The following PNPLA7 variants were observed in gnomAD, a reference collection of about 807,000 sequenced individuals.
The protein encoded by PNPLA7 is patatin like domain 7, lysophospholipase.
In PNPLA7, 153 loss-of-function variants were observed where a neutral mutation model predicts 161.7. The observed-to-expected ratio is 0.95, with a 90% CI of 0.83 to 1.08. The LOEUF (loss-of-function observed/expected upper bound fraction) is 1.08, where lower values mean the gene tolerates loss of function less well. Among genes scored for constraint, PNPLA7 ranks in the 50% least tolerant of loss-of-function variants. The pLI, the probability that PNPLA7 is intolerant of heterozygous loss-of-function variation, is 0.00. For missense variants in PNPLA7, 1,739 were observed against 1,856.6 expected (o/e 0.94, Z 1.16); for synonymous variants, 809 against 782.1 (o/e 1.03, Z -0.57).
intron 8 of PNPLA7, among the ~76,000 whole-genome samples, chr9:137,536,107 C>A (rs1160388891): frequency 1.3e-5 from 2 of 150,284 alleles, no homozygotes; most frequent in South Asian, 4.2e-4. Context: ...GAGCTGAGAT[C>A]GCGCCACTGC....
In PNPLA7 at chr9:137,502,631, C is replaced by T. The variant is rs559629582; in HGVS notation, c.1474-904G>A. Among the ~76,000 whole-genome samples the T allele has an allele frequency of 2.8e-3, 152 of 54,784 alleles. 1 individual carries two copies. Among genetic ancestry groups the T allele is most frequent in the African/African-American group, 9.1e-3 (123 of 13,452 alleles). 35.9% of individuals were successfully genotyped at this position (54,784 alleles called of 152,430 possible). On this transcript the variant is annotated intron_variant, in intron 14 of 34. Coordinates refer to ENST00000406427, the MANE Select transcript of PNPLA7 (RefSeq NM_001098537.3). ...TGGGAGGTTCTTCAGGAGAAGAAAG[C>T]GGCCTCCCTGAGGAAAGCAGCTGCA... is the stretch of plus-strand genomic sequence containing the variant.
chr9:137,461,595 A>C lies in PNPLA7; in HGVS notation c.3782T>G (p.Phe1261Cys). Reference sequence around the variant, plus strand: ...AGACACAATTTCGGCAAGGTCCGTGAAGGAGGCGTTGGGACAGGTGAGGAC... The same window carrying C: ...AGACACAATTTCGGCAAGGTCCGTGCAGGAGGCGTTGGGACAGGTGAGGAC... ...SAVLTCPNAS[F>C]TDLAEIVSRI... Residue 1261 changes from phenylalanine to cysteine, a missense_variant, in exon 33 of 35, where the codon TTC becomes TGC. Phe to Cys is a radical substitution (Grantham distance 205). Coordinates refer to ENST00000406427, the MANE Select transcript of PNPLA7 (RefSeq NM_001098537.3). 6.2e-7 allele frequency: 1 copy of C among 1,612,766 alleles called. No homozygotes were observed. The highest frequency in any genetic ancestry group is 1.3e-5 in the African/African-American group (1 of 75,030).
Position 137,484,684 on chromosome 9 carries a change from C to T in PNPLA7, c.2250G>A (p.Pro750=), listed in dbSNP as rs147000109. 1.5e-4 allele frequency: 234 copies of T among 1,612,356 alleles called. 1 individual carries two copies. In the African/African-American group the frequency reaches 1.6e-3, roughly 11 times the overall value. ...TEGSKWDLGN[P]AVNLSTVAVM... ...CTGCCACCGTGGACAGGTTGACAGC[C>T]GGGTTCCCCAAGTCCCACTTGCTGC... The change falls in exon 21 of 35, where the codon CCG becomes CCA. Residue 750 remains proline, a synonymous_variant. Coordinates refer to ENST00000406427, the MANE Select transcript of PNPLA7 (RefSeq NM_001098537.3).
chr9:137,466,116 C>CAG (rs1831449553), intron 26 of PNPLA7, among the ~76,000 whole-genome samples: 2 of 152,208 alleles, frequency 1.3e-5, no homozygotes, highest in African/African-American at 4.8e-5. Flanking sequence ...GCACCAGGGA[C>CAG]AGCCCCACGG....
chr9:137,502,553 T>G, intron 14 of PNPLA7, among the ~76,000 whole-genome samples: 1 of 144,240 alleles, frequency 6.9e-6, no homozygotes, highest in Non-Finnish European at 1.5e-5. Context: ...GGACGGCCGC[T>G]GACGGAGAGG....
At chr9:137,517,205 C>T (rs1430283030) in intron 11 of PNPLA7, among the ~76,000 whole-genome samples, 6 of 134,466 alleles carry the variant, frequency 4.5e-5, no homozygotes, top group Non-Finnish European at 9.7e-5. Flanking sequence ...CACTCCATCC[C>T]CCGTCACTCA....
At position 137,461,940 on chromosome 9, in the gene PNPLA7, G is replaced by T; in HGVS notation, c.3747C>A (p.Pro1249=). 1.3e-6 allele frequency: 2 copies of T among 1,574,998 alleles called. No homozygotes were observed. Among genetic ancestry groups the T allele is most frequent in the Non-Finnish European group, 1.7e-6 (2 of 1,165,462 alleles). Residue 1249 remains proline (P), a synonymous_variant, in exon 32 of 35, where the codon CCC becomes CCA. Transcript: ENST00000406427. ...GGACGCCCGTACTCACCGCACTCGC[G>T]GGCTTCTTGCTCGGCCCCTGCTGGT... ...LRDQQGPSKK[P]ASAVLTCPNA...
chr9:137,521,518 C>A, intron 10 of PNPLA7, 118 bp downstream of exon 10: 1 of 950,618 alleles, frequency 1.1e-6, no homozygotes, highest in South Asian at 1.4e-5. Flanking sequence ...CTGGGAAGAC[C>A]ACAGCTGTTG....
chr9:137,499,500 A>G lies in PNPLA7; in HGVS notation c.1757+1191T>C. 6.6e-6 allele frequency among the ~76,000 whole-genome samples: 1 copy of G among 152,132 alleles called. No homozygotes were observed. The highest frequency in any genetic ancestry group is 1.9e-4 in the East Asian group (1 of 5,184). ...TGTGGAGCAGCTGGGGATGCTCAGG[A>G]GGGAGATGGGTCCAGCTCCACCCAG... is the stretch of plus-strand genomic sequence containing the variant. On this transcript the variant is annotated intron_variant, in intron 16 of 34. Transcript: ENST00000406427. This position sits in a 1 kb window ranked among gnomAD's most constrained non-coding sequence, Gnocchi z 5.5.
intron 8 of PNPLA7, among the ~76,000 whole-genome samples, chr9:137,531,550 G>C (rs1408169327): frequency 6.6e-6 from 1 of 152,112 alleles, no homozygotes; most frequent in African/African-American, 2.4e-5. Context: ...CGGCAGTGCT[G>C]TATGTAGCAG....
In PNPLA7 at chr9:137,462,362, GC is replaced by G. The variant is rs766269369; in HGVS notation, c.3493-32del. On this transcript the variant is annotated intron_variant, in intron 30 of 34. Transcript: ENST00000406427. The stretch of plus-strand genomic sequence containing the variant: ...GCCGTCACAGCCGCCTGAGTCTCCT[GC>G]CCCGGCCCCTACCCCGTCCCAGCCT... 4 of 1,571,356 alleles carry G rather than the reference GC, an allele frequency of 2.5e-6. No individual in the cohort carries two copies. The East Asian group carries it at 9.0e-5, about 35-fold the overall frequency.
intron 25 of PNPLA7, among the ~76,000 whole-genome samples, chr9:137,475,010 C>CAAAAAAAAAAAAAAAAAAAAAA (rs58417100): frequency 9.4e-5 from 6 of 63,616 alleles, no homozygotes; most frequent in Middle Eastern, 0.013. Flanking sequence ...GACTCTGCCT[C>CAAAAAAAAAAAAAAAAAAAAAA]AAAAAAAAAA....
chr9:137,529,301 T>C (rs2132537011), intron 8 of PNPLA7, among the ~76,000 whole-genome samples: 1 of 152,318 alleles, frequency 6.6e-6, no homozygotes, highest in South Asian at 2.1e-4. Context: ...AGGCCAACCT[T>C]CTGTTTTCCA....
chr9:137,548,467 G>A (rs990573448), intron 1 of PNPLA7, among the ~76,000 whole-genome samples: 4 of 152,218 alleles, frequency 2.6e-5, no homozygotes, highest in Admixed American at 2.6e-4. Flanking sequence ...ATCCAGGGAA[G>A]GGCCGGGCGC....
In PNPLA7 at chr9:137,500,520, G is replaced by A. The variant is rs1163067557; in HGVS notation, c.1757+171C>T. On this transcript the variant is annotated intron_variant, in intron 16 of 34. Transcript: ENST00000406427. This position sits in a 1 kb window ranked among gnomAD's most constrained non-coding sequence, Gnocchi z 5.5. The stretch of plus-strand genomic sequence containing the variant: ...GGCAGGTGGGGTCGGCTGACTGAGC[G>A]CTGGAGCAGGGGGCACAGACCTGGG... 1.3e-5 allele frequency among the ~76,000 whole-genome samples: 2 copies of A among 152,010 alleles called. No individual in the cohort carries two copies. The highest frequency in any genetic ancestry group is 6.5e-5 in the Admixed American group (1 of 15,278).
At chr9:137,484,124 T>C (rs920301305) in intron 21 of PNPLA7, among the ~76,000 whole-genome samples, 1 of 151,676 alleles carries the variant, frequency 6.6e-6, no homozygotes, top group Non-Finnish European at 1.5e-5. Context: ...CTAGTAGAGA[T>C]GGAGTTTTAC....
rs114277264 is a variant in PNPLA7, at chr9:137,524,874, C to T, written c.748-2017G>A. Among the ~76,000 whole-genome samples the T allele has an allele frequency of 4.4e-3, 662 of 152,176 alleles. 5 individuals are homozygous for T. Among genetic ancestry groups the T allele is most frequent in the African/African-American group, 0.015 (620 of 41,472 alleles). On this transcript the variant is annotated intron_variant, in intron 8 of 34. Transcript: ENST00000406427. This position sits in a 1 kb window ranked among gnomAD's most constrained non-coding sequence, Gnocchi z 4.4. Reference sequence around the variant, plus strand: ...TTGGATGCCCCGTGGAATGAGTTTCCGTGGATGCCTGTCTTCACCAGCAGT... The same window carrying T: ...TTGGATGCCCCGTGGAATGAGTTTCTGTGGATGCCTGTCTTCACCAGCAGT...
rs201502852 is a variant in PNPLA7, at chr9:137,522,811, G to A, written c.794C>T (p.Pro265Leu). 2.4e-5 allele frequency: 39 copies of A among 1,613,670 alleles called. No homozygotes were observed. The highest frequency in any genetic ancestry group is 6.7e-5 in the East Asian group (3 of 44,888). ...AGCTGGAAGCCGGAGGATGGTGGAC[G>A]GGATGGCCGCGCGGACGGAGACCGT... ...YKTVSVRAAIPSTILRLPAAA... is the reference protein window; with the variant it reads ...YKTVSVRAAILSTILRLPAAA... The change falls in exon 9 of 35, where the codon CCG becomes CTG. Residue 265 changes from proline to leucine, a missense_variant. Around this residue, in one of 6 missense-constraint regions of PNPLA7, gnomAD observed 152 missense variants for 193.5 expected, o/e 0.79. Coordinates refer to ENST00000406427, the MANE Select transcript of PNPLA7 (RefSeq NM_001098537.3).
chr9:137,543,994 C>T lies in PNPLA7; in HGVS notation c.274-179G>A, dbSNP rs532105499. On this transcript the variant is annotated intron_variant, in intron 4 of 34. Transcript: ENST00000406427. The surrounding 1 kb of genome is among the most constrained non-coding windows in gnomAD (Gnocchi z 6.9). The stretch of plus-strand genomic sequence containing the variant: ...CTGGCCTGTGAGGGAATGTTGGCAG[C>T]GATACAGCCCCACACATCCTTGGGA... Among the ~76,000 whole-genome samples the T allele has an allele frequency of 1.2e-4, 18 of 152,234 alleles. No individual in the cohort carries two copies. In the East Asian group the frequency reaches 1.9e-3, roughly 16 times the overall value.
Sources: allele counts gnomAD v4.1 joint callset (sites outside exome capture counted in the v4.1 genomes callset), GRCh38; gene constraint gnomAD v4.1.1; regional missense constraint gnomAD v4.1.1; non-coding constraint Gnocchi (gnomAD v3.1); transcripts MANE v1.5; gene names NCBI Gene and HGNC (gene_info 2026-07-23, HGNC 2026-07-21).